The following MLLT10 variants were observed in gnomAD, a reference collection of about 807,000 sequenced individuals.
The protein encoded by MLLT10 is MLLT10 histone lysine methyltransferase DOT1L cofactor.
Under a neutral mutation model 129.1 loss-of-function variants are expected in MLLT10, and 30 were observed. The ratio of observed to expected loss-of-function variants is 0.23; its 90% CI spans 0.17 to 0.32. The LOEUF (loss-of-function observed/expected upper bound fraction) is 0.32, where lower values mean the gene tolerates loss of function less well. Ranked by LOEUF, MLLT10 falls within the 10% of genes least tolerant of loss-of-function variation. MLLT10 has a pLI of 1.00. For missense variants in MLLT10, 1,119 were observed against 1,268.3 expected (o/e 0.88, Z 1.79); for synonymous variants, 490 against 446.4 (o/e 1.10, Z -1.23).
chr10:21,709,375 G>A lies in MLLT10; in HGVS notation c.1700-4397G>A, dbSNP rs956350340. Among the ~76,000 whole-genome samples, 3 of 152,272 alleles carry A rather than the reference G, an allele frequency of 2.0e-5. No individual in the cohort carries two copies. The East Asian group carries it at 5.8e-4, about 29-fold the overall frequency. ...GCCTCTCGAGTAACTGGGACTACAGGCATGCGCCGCCATGCCTGGCTAAGT... is the reference window on the plus strand; with the variant it reads ...GCCTCTCGAGTAACTGGGACTACAGACATGCGCCGCCATGCCTGGCTAAGT... On this transcript the variant is annotated intron_variant, in intron 13 of 22. Coordinates refer to ENST00000307729, the MANE Select transcript of MLLT10 (RefSeq NM_001195626.3).
chr10:21,688,706 A>G (rs180800897), intron 13 of MLLT10, among the ~76,000 whole-genome samples: 8 of 152,172 alleles, frequency 5.3e-5, no homozygotes, highest in African/African-American at 7.2e-5. Flanking sequence ...GGGATGAACT[A>G]TATGTTCTTA....
At chr10:21,730,006 A>G (rs2057824591) in intron 16 of MLLT10, among the ~76,000 whole-genome samples, 2 of 152,110 alleles carry the variant, frequency 1.3e-5, no homozygotes, top group Non-Finnish European at 2.9e-5. Context: ...GCTCATGCCT[A>G]TAATCCCAGC....
At chr10:21,656,411 C>G (rs979931880) in intron 9 of MLLT10, among the ~76,000 whole-genome samples, 4 of 151,818 alleles carry the variant, frequency 2.6e-5, no homozygotes, top group Admixed American at 6.6e-5. Context: ...GATGGTAGAG[C>G]ACACTTAAAT....
At chr10:21,635,737 T>C (rs1347268093) in intron 8 of MLLT10, among the ~76,000 whole-genome samples, 2 of 151,796 alleles carry the variant, frequency 1.3e-5, no homozygotes, top group Non-Finnish European at 2.9e-5. Context: ...TTGTTGTTTT[T>C]TTTTTTGAGA....
At chr10:21,729,119 T>C (rs1386753297) in intron 16 of MLLT10, among the ~76,000 whole-genome samples, 1 of 152,142 alleles carries the variant, frequency 6.6e-6, no homozygotes, top group East Asian at 1.9e-4. Flanking sequence ...TATCCATTCT[T>C]TGGAAACCAG....
chr10:21,635,925 C>CTTT (rs530505484), intron 8 of MLLT10, among the ~76,000 whole-genome samples: 12 of 111,504 alleles, frequency 1.1e-4, no homozygotes, highest in African/African-American at 1.7e-4. Flanking sequence ...TGCACCTGGC[C>CTTT]TTTTTTTTTT....
chr10:21,711,580 C>G (rs569401219), intron 13 of MLLT10, among the ~76,000 whole-genome samples: 1 of 131,868 alleles, frequency 7.6e-6, no homozygotes, highest in African/African-American at 2.9e-5. Flanking sequence ...CCACAACCAA[C>G]GCAAAAAAAA....
intron 22 of MLLT10, 47 bp from the exon 23 acceptor site, chr10:21,741,892 T>C (rs1341678099): frequency 6.3e-7 from 1 of 1,581,796 alleles, no homozygotes; most frequent in Non-Finnish European, 8.6e-7. Flanking sequence ...GAGAATATTA[T>C]CAAAAGTTGA....
intron 4 of MLLT10, among the ~76,000 whole-genome samples, chr10:21,590,259 T>G (rs2131109245): frequency 1.3e-5 from 2 of 152,244 alleles, no homozygotes; most frequent in Middle Eastern, 6.8e-3. Flanking sequence ...TAAACTTAAG[T>G]CAATTTTGGT....
At chr10:21,628,244 G>A (rs1358405779) in intron 8 of MLLT10, among the ~76,000 whole-genome samples, 2 of 152,058 alleles carry the variant, frequency 1.3e-5, no homozygotes, top group Non-Finnish European at 2.9e-5. Context: ...GTAAATCTGT[G>A]TTAGTTAACT....
intron 13 of MLLT10, among the ~76,000 whole-genome samples, chr10:21,705,375 C>G (rs575750029): frequency 2.6e-5 from 4 of 152,278 alleles, no homozygotes; most frequent in Middle Eastern, 3.4e-3. Context: ...CTTGTGTGCT[C>G]TGGCATGGGC....
intron 21 of MLLT10, chr10:21,738,267 C>CA (rs71886796): frequency 0.03 from 9,667 of 326,986 alleles, 1 homozygote; most frequent in Non-Finnish European, 0.036. Flanking sequence ...GACTCGGTCT[C>CA]AAAAAAAAAA....
intron 13 of MLLT10, among the ~76,000 whole-genome samples, chr10:21,713,231 A>G (rs2056265379): frequency 2.0e-5 from 3 of 152,252 alleles, no homozygotes; most frequent in African/African-American, 7.2e-5. Flanking sequence ...ATCTACCAAC[A>G]TTCTTTATTC....
At chr10:21,702,693 G>A (rs894491488) in intron 13 of MLLT10, among the ~76,000 whole-genome samples, 68 of 149,044 alleles carry the variant, frequency 4.6e-4, no homozygotes, top group African/African-American at 1.7e-3. Context: ...CTTTTTTACA[G>A]TTTTTTTTTT....
chr10:21,552,816 C>G (rs546648440), intron 3 of MLLT10, among the ~76,000 whole-genome samples: 19 of 151,626 alleles, frequency 1.3e-4, no homozygotes, highest in African/African-American at 4.6e-4. Flanking sequence ...TTTCCGTCTC[C>G]TCTTTCTCCT....
intron 13 of MLLT10, among the ~76,000 whole-genome samples, chr10:21,693,496 A>G (rs1293212693): frequency 6.6e-6 from 1 of 151,862 alleles, no homozygotes; most frequent in Non-Finnish European, 1.5e-5. Flanking sequence ...AGAAAAAAAA[A>G]CCCCAATTTA....
chr10:21,568,436 C>T (rs1284580307), intron 3 of MLLT10, among the ~76,000 whole-genome samples: 1 of 152,108 alleles, frequency 6.6e-6, no homozygotes, highest in East Asian at 1.9e-4. Flanking sequence ...TTTCTGTTAT[C>T]TATTTCATTG....
rs200760818 is a variant in MLLT10, at chr10:21,713,902, C to G, written c.1830C>G (p.Leu610=). 29 of 1,613,994 alleles carry G rather than the reference C, an allele frequency of 1.8e-5. No individual in the cohort carries two copies. The highest frequency in any genetic ancestry group is 1.0e-4 in the Admixed American group (6 of 60,004). ...GGCATTTGCAACAAGTAGGAGCGCT[C>G]TCTCCCTCAGCTGTGTCATCTGCAG... The part of the protein sequence containing the change: ...SSGHLQQVGA[L]SPSAVSSAAP... Residue 610 remains leucine (L), a synonymous_variant, in exon 14 of 23, where the codon CTC becomes CTG. Coordinates refer to ENST00000307729, the MANE Select transcript of MLLT10 (RefSeq NM_001195626.3).
At chr10:21,654,722 A>G (rs1193998656) in intron 9 of MLLT10, among the ~76,000 whole-genome samples, 3 of 152,172 alleles carry the variant, frequency 2.0e-5, no homozygotes, top group Non-Finnish European at 4.4e-5. Context: ...GGGTTTGGTC[A>G]GGTTGTTATT....
Sources: allele counts gnomAD v4.1 joint callset (sites outside exome capture counted in the v4.1 genomes callset), GRCh38; gene constraint gnomAD v4.1.1; transcripts MANE v1.5; gene names NCBI Gene and HGNC (gene_info 2026-07-23, HGNC 2026-07-21).